The following P2RY8 variants were observed in gnomAD, a reference collection of about 807,000 sequenced individuals.
The protein encoded by P2RY8 is S-geranylgeranyl-glutathione receptor P2RY8.
Under a neutral mutation model 10.0 loss-of-function variants are expected in P2RY8, and 6 were observed. The ratio of observed to expected loss-of-function variants is 0.60; its 90% CI spans 0.33 to 1.19. The LOEUF (loss-of-function observed/expected upper bound fraction) is 1.19. Among genes scored for constraint, P2RY8 ranks in the 50% most tolerant of loss-of-function variants. P2RY8 has a pLI of 0.04. For synonymous variants in P2RY8, 276 were observed against 252.5 expected (o/e 1.09, Z -0.88); for missense variants, 456 against 542.0 (o/e 0.84, Z 1.58).
At chrX:1,528,072 T>C (rs1180185120) in intron 1 of P2RY8, among the ~76,000 whole-genome samples, 1 of 152,152 alleles carries the variant, frequency 6.6e-6, no homozygotes, top group Non-Finnish European at 1.5e-5. Flanking sequence ...CAAGAACAGA[T>C]GAGTGATAAA....
chrX:1,496,850 G>A (rs867401833), intron 1 of P2RY8, among the ~76,000 whole-genome samples: 5 of 41,340 alleles, frequency 1.2e-4, no homozygotes, highest in Non-Finnish European at 2.1e-4. Flanking sequence ...GGCACCCACC[G>A]CACCTGGCCA....
intron 1 of P2RY8, among the ~76,000 whole-genome samples, chrX:1,482,789 T>C (rs1272288228): frequency 1.3e-5 from 2 of 152,122 alleles, no homozygotes. Context: ...TCATGTCCTT[T>C]GTAGGGACAT....
At chrX:1,511,132 A>G (rs541761851) in intron 1 of P2RY8, among the ~76,000 whole-genome samples, 2 of 152,198 alleles carry the variant, frequency 1.3e-5, no homozygotes, top group African/African-American at 4.8e-5. Flanking sequence ...GTGAGCCAAG[A>G]TCGCACCACT....
At chrX:1,504,315 C>CAAA (rs10657765) in intron 1 of P2RY8, among the ~76,000 whole-genome samples, 108 of 147,228 alleles carry the variant, frequency 7.3e-4, no homozygotes, top group East Asian at 2.2e-3. Context: ...GACTCTGTGT[C>CAAA]AAAAAAAAAA....
chrX:1,512,471 T>C (rs1286478927), intron 1 of P2RY8, among the ~76,000 whole-genome samples: 10 of 136,074 alleles, frequency 7.3e-5, no homozygotes, highest in East Asian at 4.4e-4. Flanking sequence ...CGCTTGAACC[T>C]GGGAGGTGGA....
chrX:1,535,114 C>A (rs1308446620), intron 1 of P2RY8, among the ~76,000 whole-genome samples: 5 of 151,100 alleles, frequency 3.3e-5, no homozygotes, highest in African/African-American at 1.2e-4. Context: ...CATCCTGGTG[C>A]ACGTAGGACG....
intron 1 of P2RY8, among the ~76,000 whole-genome samples, chrX:1,534,695 G>C (rs1480496920): frequency 6.6e-6 from 1 of 152,142 alleles, no homozygotes; most frequent in African/African-American, 2.4e-5. Flanking sequence ...GCGCAGGAGA[G>C]AGACTCAGAC....
chrX:1,536,375 C>T (rs187942234), intron 1 of P2RY8, among the ~76,000 whole-genome samples: 2,954 of 152,174 alleles, frequency 0.019, 47 homozygotes, highest in Non-Finnish European at 0.031. Context: ...CATTCTCCTG[C>T]CTCAGCCTCC....
At chrX:1,469,294 G>C (rs1445320970) in intron 1 of P2RY8, among the ~76,000 whole-genome samples, 2 of 150,338 alleles carry the variant, frequency 1.3e-5, no homozygotes, top group African/African-American at 2.5e-5. Context: ...CTCCTGAGTA[G>C]CTGGGATTAC....
intron 1 of P2RY8, among the ~76,000 whole-genome samples, chrX:1,534,351 G>A (rs1470986049): frequency 2.0e-5 from 3 of 150,932 alleles, no homozygotes; most frequent in African/African-American, 2.4e-5. Context: ...CATCACTAGG[G>A]AGCGACATTG....
At chrX:1,533,966 TTA>T (rs1410936262) in intron 1 of P2RY8, among the ~76,000 whole-genome samples, 6 of 124,228 alleles carry the variant, frequency 4.8e-5, no homozygotes, top group Admixed American at 9.0e-5. Context: ...AGTTATATAT[TTA>T]TAACTTAAAT....
chrX:1,514,827 C>CCTTCCCTTTT (rs2092331976), intron 1 of P2RY8, among the ~76,000 whole-genome samples: 1 of 13,384 alleles, frequency 7.5e-5, no homozygotes, highest in Non-Finnish European at 1.5e-4. Flanking sequence ...CCTTCCCTTT[C>CCTTCCCTTTT]CCTTTCCTTC....
chrX:1,486,332 CAGAT>C (rs1349882914), intron 1 of P2RY8, among the ~76,000 whole-genome samples: 10 of 152,174 alleles, frequency 6.6e-5, no homozygotes, highest in African/African-American at 1.9e-4. Flanking sequence ...AACAGACAGA[CAGAT>C]AAACACAACG....
At chrX:1,508,379 G>A (rs1293218981) in intron 1 of P2RY8, among the ~76,000 whole-genome samples, 1 of 152,104 alleles carries the variant, frequency 6.6e-6, no homozygotes, top group Non-Finnish European at 1.5e-5. Context: ...GCAGCCCAGG[G>A]ACACCGTTCA....
chrX:1,508,702 C>CATCCCTCT (rs1224676271), intron 1 of P2RY8, among the ~76,000 whole-genome samples: 1 of 86,442 alleles, frequency 1.2e-5, no homozygotes, highest in South Asian at 3.7e-4. Context: ...TCCATCCATC[C>CATCCCTCT]ATTCTATCTA....
In P2RY8 at chrX:1,465,384, A is replaced by T. The variant is rs1352927134; in HGVS notation, c.*95T>A. 54 of 1,503,118 alleles carry T rather than the reference A, an allele frequency of 3.6e-5. No individual in the cohort carries two copies. The highest frequency in any genetic ancestry group is 4.5e-5 in the Non-Finnish European group (51 of 1,133,402). The allele number at this position is 1,503,118 out of a possible 1,614,324, so 93.1% of individuals were successfully genotyped here. A position where few individuals can be genotyped will look rare whatever the true frequency, so the allele number is the denominator to read the frequency against. On this transcript the variant is annotated 3_prime_UTR_variant, in exon 2 of 2. Coordinates refer to ENST00000381297, the MANE Select transcript of P2RY8 (RefSeq NM_178129.5). Reference sequence around the variant, plus strand: ...CCTCTGCAGTGCCTGGGAGCAACGCAGCTGTTCTCCCTGAACCTCTGGCAC... The same window carrying T: ...CCTCTGCAGTGCCTGGGAGCAACGCTGCTGTTCTCCCTGAACCTCTGGCAC...
At chrX:1,498,384 C>A (rs188227931) in intron 1 of P2RY8, among the ~76,000 whole-genome samples, 12 of 119,504 alleles carry the variant, frequency 1.0e-4, no homozygotes, top group Admixed American at 2.2e-4. Context: ...CCAGCCTGGG[C>A]GACAGAGCGA....
At chrX:1,480,880 A>G (rs2091926832) in intron 1 of P2RY8, among the ~76,000 whole-genome samples, 1 of 151,734 alleles carries the variant, frequency 6.6e-6, no homozygotes, top group African/African-American at 2.4e-5. Context: ...ATGTGCCAAA[A>G]AAAACTCTTA....
chrX:1,477,341 T>C (rs1392637682), intron 1 of P2RY8, among the ~76,000 whole-genome samples: 1 of 152,168 alleles, frequency 6.6e-6, no homozygotes, highest in Non-Finnish European at 1.5e-5. Flanking sequence ...TCTATATCAA[T>C]TATCTATCAA....
Sources: allele counts gnomAD v4.1 joint callset (sites outside exome capture counted in the v4.1 genomes callset), GRCh38; gene constraint gnomAD v4.1.1; transcripts MANE v1.5; gene names NCBI Gene and HGNC (gene_info 2026-07-23, HGNC 2026-07-21).